EEA1: variants seen among roughly 807,000 people sequenced by gnomAD.
EEA1 encodes the protein early endosome antigen 1.
EEA1 carries 111 observed loss-of-function variants against 209.2 expected under a neutral mutation model. That is an observed-to-expected ratio of 0.53 (90% CI 0.45 to 0.62). The LOEUF (loss-of-function observed/expected upper bound fraction) is 0.62, where lower values mean the gene tolerates loss of function less well. Ranked by LOEUF, EEA1 falls within the 20% of genes least tolerant of loss-of-function variation. The pLI is 0.00. For missense variants in EEA1, 1,343 were observed against 1,530.8 expected, an observed-to-expected ratio of 0.88 and a Z score of 2.05; for synonymous variants, 536 against 540.6, an observed-to-expected ratio of 0.99 and a Z score of 0.12.
intron 2 of EEA1, among the ~76,000 whole-genome samples, chr12:92,887,272 G>A (rs1187328281): frequency 6.6e-6 from 1 of 152,038 alleles, no homozygotes; most frequent in Non-Finnish European, 1.5e-5. Flanking sequence ...GATCACTTGA[G>A]GTCAGGAAGT....
intron 21 of EEA1, 76 bp downstream of exon 21, chr12:92,798,816 T>C: frequency 9.0e-7 from 1 of 1,105,932 alleles, no homozygotes; most frequent in Non-Finnish European, 1.2e-6. Context: ...AACTTATCCA[T>C]CTGTATTAAT....
chr12:92,812,299 A>G (rs1875558737), intron 16 of EEA1, among the ~76,000 whole-genome samples: 1 of 152,068 alleles, frequency 6.6e-6, no homozygotes, highest in Admixed American at 6.6e-5. Context: ...ATTGCGCTCC[A>G]ACCTGGGTAA....
In EEA1 at chr12:92,906,002, G is replaced by A. The variant is rs143462848; in HGVS notation, c.25-14281C>T. ...CTCATCGTAGCCTCAAATTTCCTGG[G>A]CTCAAGCCATCCTCCCGCCTCAGCC... On this transcript the variant is annotated intron_variant, in intron 1 of 28. Coordinates refer to ENST00000322349, the MANE Select transcript of EEA1 (RefSeq NM_003566.4). Among the ~76,000 whole-genome samples, 305 of 152,006 alleles carry A rather than the reference G, an allele frequency of 2.0e-3. 3 individuals are homozygous for A. The highest frequency in any genetic ancestry group is 7.1e-3 in the African/African-American group (296 of 41,484).
intron 13 of EEA1, among the ~76,000 whole-genome samples, chr12:92,825,217 C>T (rs1042590656): frequency 5.3e-5 from 8 of 151,830 alleles, no homozygotes; most frequent in East Asian, 3.9e-4. Context: ...GTCGGGAGGA[C>T]GAGGCAGGCG....
chr12:92,806,855 A>G (rs1875232513), intron 18 of EEA1, among the ~76,000 whole-genome samples: 1 of 152,254 alleles, frequency 6.6e-6, no homozygotes, highest in South Asian at 2.1e-4. Context: ...ACAGAATAAA[A>G]CAGAAAATCC....
intron 3 of EEA1, among the ~76,000 whole-genome samples, chr12:92,862,121 C>CT (rs527916432): frequency 1.4e-3 from 213 of 152,144 alleles, no homozygotes; most frequent in Non-Finnish European, 2.6e-3. Context: ...TGCTCATAGT[C>CT]ACATGTCATC....
At chr12:92,890,145 T>C (rs1879605217) in intron 2 of EEA1, among the ~76,000 whole-genome samples, 1 of 152,234 alleles carries the variant, frequency 6.6e-6, no homozygotes, top group Non-Finnish European at 1.5e-5. Flanking sequence ...TTTTTGGTCT[T>C]GGTTTTATTC....
chr12:92,781,823 A>C, intron 23 of EEA1, 127 bp downstream of exon 23: 1 of 716,682 alleles, frequency 1.4e-6, no homozygotes, highest in Non-Finnish European at 2.1e-6. Context: ...GTCAGAAACT[A>C]GAGGTCCCTC....
intron 3 of EEA1, among the ~76,000 whole-genome samples, chr12:92,860,708 G>T (rs1160283127): frequency 6.6e-6 from 1 of 152,112 alleles, no homozygotes; most frequent in Non-Finnish European, 1.5e-5. Flanking sequence ...CATGGAGAAA[G>T]CTGACTTAGC....
intron 18 of EEA1, among the ~76,000 whole-genome samples, chr12:92,807,541 G>A (rs944804681): frequency 4.6e-5 from 7 of 151,928 alleles, no homozygotes; most frequent in Non-Finnish European, 1.0e-4. Context: ...AAAACATCAA[G>A]AACTCTACAA....
Position 92,776,009 on chromosome 12 carries a change from C to T in EEA1, c.*2G>A. The T allele has an allele frequency of 6.2e-7, 1 of 1,609,760 alleles. No homozygotes were observed. The highest frequency in any genetic ancestry group is 1.1e-5 in the South Asian group (1 of 90,546). ...ATATTACTCTGAAGTTGTGATAACC[C>T]ATTATCCTTGCAAGTCATTGAAACA... On this transcript the variant is annotated 3_prime_UTR_variant, in exon 29 of 29. Coordinates refer to ENST00000322349, the MANE Select transcript of EEA1 (RefSeq NM_003566.4).
intron 2 of EEA1, among the ~76,000 whole-genome samples, chr12:92,889,737 A>AAAAACAAAAC (rs945833606): frequency 6.6e-6 from 1 of 152,126 alleles, no homozygotes; most frequent in Non-Finnish European, 1.5e-5. Context: ...CGTCTCTACT[A>AAAAACAAAAC]AAAACAAAAC....
chr12:92,835,819 C>T (rs1415919341), intron 10 of EEA1, among the ~76,000 whole-genome samples: 1 of 152,146 alleles, frequency 6.6e-6, no homozygotes, highest in African/African-American at 2.4e-5. Flanking sequence ...TTATTACAAA[C>T]ATGAAAGAGA....
intron 12 of EEA1, 85 bp from the exon 13 acceptor site, chr12:92,826,370 G>C: frequency 7.8e-7 from 1 of 1,276,202 alleles, no homozygotes. Flanking sequence ...CAATTCTCAA[G>C]TCTGAACAGA....
At chr12:92,909,922 C>A (rs566369173) in intron 1 of EEA1, among the ~76,000 whole-genome samples, 1 of 152,206 alleles carries the variant, frequency 6.6e-6, no homozygotes, top group South Asian at 2.1e-4. Flanking sequence ...AAGGGTAGAT[C>A]ACCGGAGGTC....
At chr12:92,854,076 G>T in intron 5 of EEA1, 122 bp from the exon 6 acceptor site, 1 of 719,074 alleles carries the variant, frequency 1.4e-6, no homozygotes, top group Non-Finnish European at 2.1e-6. Context: ...AGATTTTGGT[G>T]AAAATTTAAA....
intron 3 of EEA1, 40 bp from the exon 4 acceptor site, chr12:92,857,525 C>G (rs1877934787): frequency 7.5e-7 from 1 of 1,330,590 alleles, no homozygotes; most frequent in African/African-American, 1.5e-5. Flanking sequence ...AGTCAATGTC[C>G]TTTAATTAAC....
At chr12:92,843,157 AATT>A (rs1321713333) in intron 9 of EEA1, among the ~76,000 whole-genome samples, 1 of 152,042 alleles carries the variant, frequency 6.6e-6, no homozygotes, top group Non-Finnish European at 1.5e-5. Context: ...AGTGCATTTT[AATT>A]ATTATTATTT....
Position 92,771,289 on chromosome 12 carries a change from T to G in EEA1, c.*4722A>C, listed in dbSNP as rs1348187226. The G allele has an allele frequency of 6.6e-6, 1 of 152,082 alleles. No individual in the cohort carries two copies. The highest frequency in any genetic ancestry group is 1.5e-5 in the Non-Finnish European group (1 of 67,954). 9.4% of individuals were successfully genotyped at this position (152,082 alleles called of 1,614,324 possible). On this transcript the variant is annotated 3_prime_UTR_variant, in exon 29 of 29. Coordinates refer to ENST00000322349, the MANE Select transcript of EEA1 (RefSeq NM_003566.4). The stretch of plus-strand genomic sequence containing the variant: ...AGACAACTGAAGCCTTAGCTGATTT[T>G]GTTAAGCTGAAGAATGGGGTAGAGA...
Sources: allele counts gnomAD v4.1 joint callset (sites outside exome capture counted in the v4.1 genomes callset), GRCh38; gene constraint gnomAD v4.1.1; transcripts MANE v1.5; gene names NCBI Gene and HGNC (gene_info 2026-07-23, HGNC 2026-07-21).